The following KDELR1 variants were observed in gnomAD, a reference collection of about 807,000 sequenced individuals.
KDELR1 encodes the protein KDEL endoplasmic reticulum protein retention receptor 1.
Under a neutral mutation model 25.5 loss-of-function variants are expected in KDELR1, and 16 were observed. That is an observed-to-expected ratio of 0.63 (90% CI 0.43 to 0.95). KDELR1 has a LOEUF of 0.95. Ranked by LOEUF, KDELR1 falls within the 40% of genes least tolerant of loss-of-function variation. The pLI is 0.00. For missense variants in KDELR1, 159 were observed against 265.2 expected, an observed-to-expected ratio of 0.60 and a Z score of 2.78; for synonymous variants, 121 against 115.0, an observed-to-expected ratio of 1.05 and a Z score of -0.33.
rs757861765 is a variant in KDELR1, at chr19:48,390,491, A to G, written c.125T>C (p.Val42Ala). 5 of 1,614,082 alleles carry G rather than the reference A, an allele frequency of 3.1e-6. No individual in the cohort carries two copies. The highest frequency in any genetic ancestry group is 1.1e-5 in the South Asian group (1 of 91,082). Residue 42 changes from valine to alanine, a missense_variant, in exon 2 of 5, where the codon GTG becomes GCG. By Grantham distance (64) the Val-to-Ala change is moderately conservative. Coordinates refer to ENST00000330720, the MANE Select transcript of KDELR1 (RefSeq NM_006801.3). ...GTCCAGATATCGGGCAGTGAACACC[A>G]CAGCAAACAGGACCTGGCTCTTCCC... is the stretch of plus-strand genomic sequence containing the variant. ...ISGKSQVLFA[V>A]VFTARYLDLF...
At chr19:48,387,591 A>T (rs1970506470) in intron 3 of KDELR1, among the ~76,000 whole-genome samples, 1 of 151,372 alleles carries the variant, frequency 6.6e-6, no homozygotes, top group African/African-American at 2.4e-5. Context: ...CTGAGGCAGG[A>T]GAAACGCTTG....
chr19:48,388,916 G>GAAA (rs1358742359), intron 3 of KDELR1, among the ~76,000 whole-genome samples: 1 of 68,402 alleles, frequency 1.5e-5, no homozygotes, highest in African/African-American at 7.0e-5. Flanking sequence ...AGAAAGGAAA[G>GAAA]AAAGAAAGAA....
upstream of KDELR1, among the ~76,000 whole-genome samples, chr19:48,395,644 G>A (rs1213707597): frequency 6.6e-6 from 1 of 151,934 alleles, no homozygotes; most frequent in Non-Finnish European, 1.5e-5. Flanking sequence ...GACACCCTAG[G>A]AATTTCTGGC....
rs1048641100 is a variant in KDELR1, at chr19:48,391,382, G to A, written c.-24C>T. 6.5e-6 allele frequency: 10 copies of A among 1,537,442 alleles called. No homozygotes were observed. In the African/African-American group the frequency reaches 8.2e-5, roughly 13 times the overall value. On this transcript the variant is annotated 5_prime_UTR_variant, in exon 1 of 5. Transcript: ENST00000330720. ...ATGGCTGGGGAACCCTGGCAGGGCT[G>A]AGCGGGAGGGAGGCAGGCTGGCGGG...
At chr19:48,393,986 C>A (rs276717), upstream of KDELR1, among the ~76,000 whole-genome samples, 34,565 of 151,834 alleles carry the variant, frequency 0.23, 4,347 homozygotes, top group African/African-American at 0.31. The surrounding 1 kb of genome is among the most constrained non-coding windows in gnomAD (Gnocchi z 5.6). Context: ...CCTGAGCTGC[C>A]TGCCTGGGTG....
chr19:48,396,840 C>T, the KDELR1 span, among the ~76,000 whole-genome samples: 3 of 152,154 alleles, frequency 2.0e-5, no homozygotes, highest in Non-Finnish European at 2.9e-5. Flanking sequence ...AGGAGCATGA[C>T]AGCCAGGAGA....
upstream of KDELR1, among the ~76,000 whole-genome samples, chr19:48,393,810 G>A (rs556686887): frequency 9.2e-5 from 14 of 152,258 alleles, no homozygotes; most frequent in African/African-American, 3.4e-4. The surrounding 1 kb of genome is among the most constrained non-coding windows in gnomAD (Gnocchi z 5.6). Context: ...TGCTGGGGGT[G>A]TTGCCTGGGT....
intron 3 of KDELR1, among the ~76,000 whole-genome samples, chr19:48,388,342 C>T (rs1970511792): frequency 2.0e-5 from 3 of 152,080 alleles, no homozygotes; most frequent in Middle Eastern, 3.2e-3. Flanking sequence ...ATGTGGAAAC[C>T]GAGGTACAGA....
intron 3 of KDELR1, among the ~76,000 whole-genome samples, chr19:48,385,047 C>T (rs1025524233): frequency 2.6e-5 from 4 of 152,026 alleles, no homozygotes; most frequent in South Asian, 2.1e-4. Context: ...CCACCACACC[C>T]GGCTAATTTT....
At chr19:48,389,758 C>G in intron 2 of KDELR1, 47 bp from the exon 3 acceptor site, 1 of 1,603,592 alleles carries the variant, frequency 6.2e-7, no homozygotes, top group African/African-American at 1.3e-5. Flanking sequence ...CAGGCCTGTG[C>G]CCCAGTAGGC....
In KDELR1 at chr19:48,390,405, G is replaced by C. The variant is rs368643001; in HGVS notation, c.192+19C>G. Reference sequence around the variant, plus strand: ...CCTCTGCCTCAGTGGGGGCCAGAGAGGTGGGGTGGAGCCTCTACCTTCATA... The same window carrying C: ...CCTCTGCCTCAGTGGGGGCCAGAGACGTGGGGTGGAGCCTCTACCTTCATA... On this transcript the variant is annotated intron_variant, in intron 2 of 4. Coordinates refer to ENST00000330720, the MANE Select transcript of KDELR1 (RefSeq NM_006801.3). 204 of 1,577,618 alleles carry C rather than the reference G, an allele frequency of 1.3e-4. 1 individual carries two copies. In the African/African-American group the frequency reaches 2.7e-3, roughly 21 times the overall value.
At chr19:48,394,398 C>A (rs1412258626), upstream of KDELR1, among the ~76,000 whole-genome samples, 2 of 149,196 alleles carry the variant, frequency 1.3e-5, no homozygotes, top group Non-Finnish European at 3.0e-5. This position sits in a 1 kb window ranked among gnomAD's most constrained non-coding sequence, Gnocchi z 5.1. Context: ...CACGCACACA[C>A]CAGCCACTAG....
chr19:48,392,440 C>T (rs1970569993), upstream of KDELR1, among the ~76,000 whole-genome samples: 1 of 151,416 alleles, frequency 6.6e-6, no homozygotes, highest in African/African-American at 2.4e-5. Flanking sequence ...GGCCCCAGCC[C>T]CTCCTCCCTC....
At chr19:48,388,860 GAAGA>G (rs1198796993) in intron 3 of KDELR1, among the ~76,000 whole-genome samples, 33 of 142,760 alleles carry the variant, frequency 2.3e-4, no homozygotes, top group South Asian at 1.1e-3. Flanking sequence ...AGAAGGAAAG[GAAGA>G]AAGAAAGGAA....
rs144810138 is a variant in KDELR1, at chr19:48,384,527, G to A, written c.352-45C>T. The A allele has an allele frequency of 1.5e-3, 2,378 of 1,586,460 alleles. 4 individuals carry two copies. Among genetic ancestry groups the A allele is most frequent in the Non-Finnish European group, 1.5e-3 (1,694 of 1,164,388 alleles). ...ATGATGAGGTGGGAGGGGACAGGGC[G>A]GGAGAAAAGGCAGAGGACAACATTG... On this transcript the variant is annotated intron_variant, in intron 3 of 4. Coordinates refer to ENST00000330720, the MANE Select transcript of KDELR1 (RefSeq NM_006801.3). This position sits in a 1 kb window ranked among gnomAD's most constrained non-coding sequence, Gnocchi z 4.6.
At chr19:48,393,727 G>C (rs1471237345), upstream of KDELR1, among the ~76,000 whole-genome samples, 1 of 151,858 alleles carries the variant, frequency 6.6e-6, no homozygotes, top group Non-Finnish European at 1.5e-5. The surrounding 1 kb of genome is among the most constrained non-coding windows in gnomAD (Gnocchi z 5.6). Context: ...TCCCGCTCCA[G>C]CTCCTCCAAG....
chr19:48,391,204 C>T, intron 1 of KDELR1, 64 bp downstream of exon 1: 4 of 1,421,080 alleles, frequency 2.8e-6, no homozygotes, highest in Non-Finnish European at 1.9e-6. Flanking sequence ...TTCCTGAGTC[C>T]TGCGACGTCC....
At chr19:48,396,149 G>A (rs1042454262), upstream of KDELR1, among the ~76,000 whole-genome samples, 1 of 152,056 alleles carries the variant, frequency 6.6e-6, no homozygotes, top group Non-Finnish European at 1.5e-5. Context: ...AAGTGGAAAC[G>A]GAGGCTCATG....
rs753052636 is a variant in KDELR1, at chr19:48,389,431, T to G, written c.351+122A>C. 2.7e-6 allele frequency: 3 copies of G among 1,117,146 alleles called. No homozygotes were observed. The Admixed American group carries it at 5.8e-5, about 22-fold the overall frequency. 69.2% of individuals were successfully genotyped at this position (1,117,146 alleles called of 1,614,324 possible). A position where few individuals can be genotyped will look rare whatever the true frequency, so the allele number is the denominator to read the frequency against. On this transcript the variant is annotated intron_variant, in intron 3 of 4. Transcript: ENST00000330720. ...CCCCAGAGCCCATGCACTGAACTTA[T>G]GCATCCTAAAATAAGGCAGTTTGGG...
Sources: gnomAD v4.1 joint callset for allele counts (sites outside exome capture counted in the v4.1 genomes callset) on GRCh38, gnomAD v4.1.1 for gene constraint, Gnocchi (gnomAD v3.1) non-coding constraint, MANE v1.5 for transcripts, NCBI Gene and HGNC (gene_info 2026-07-23, HGNC 2026-07-21) for gene names.